The following ERC1 variants were observed in gnomAD, a reference collection of about 807,000 sequenced individuals.
The protein encoded by ERC1 is ELKS/RAB6-interacting/CAST family member 1, also known as RAB6 interacting protein 2.
Under a neutral mutation model 132.0 loss-of-function variants are expected in ERC1, and 56 were observed. That is an observed-to-expected ratio of 0.42 (90% CI 0.34 to 0.53). The LOEUF is 0.53. ERC1 is among the 20% of genes least tolerant of loss of function. The pLI is 0.03. For missense variants in ERC1, 1,202 were observed against 1,349.9 expected, an observed-to-expected ratio of 0.89 and a Z score of 1.72; for synonymous variants, 478 against 476.1, an observed-to-expected ratio of 1.00 and a Z score of -0.05.
chr12:1,108,892 G>T (rs373747800), intron 4 of ERC1, among the ~76,000 whole-genome samples: 9 of 152,096 alleles, frequency 5.9e-5, no homozygotes, highest in African/African-American at 2.2e-4. Flanking sequence ...TAGTTTTCTC[G>T]ATATAAAGCC....
At chr12:995,073 G>A (rs1485077690) in intron 1 of ERC1, among the ~76,000 whole-genome samples, 2 of 151,356 alleles carry the variant, frequency 1.3e-5, no homozygotes, top group Non-Finnish European at 2.9e-5. Context: ...TCCAGCCTGG[G>A]TGACAGAGCA....
chr12:1,269,673 G>A (rs1015636530), intron 14 of ERC1, among the ~76,000 whole-genome samples: 5 of 152,188 alleles, frequency 3.3e-5, no homozygotes, highest in African/African-American at 1.2e-4. Context: ...TAGGCTGGAT[G>A]TCTTCTAACT....
At chr12:1,432,888 A>G (rs1037417258) in intron 17 of ERC1, among the ~76,000 whole-genome samples, 2 of 152,170 alleles carry the variant, frequency 1.3e-5, no homozygotes, top group African/African-American at 4.8e-5. Context: ...GGGTTAAAAA[A>G]CAAAAACCAA....
At chr12:1,096,315 TC>T (rs1462157939) in intron 3 of ERC1, among the ~76,000 whole-genome samples, 1 of 152,202 alleles carries the variant, frequency 6.6e-6, no homozygotes, top group Non-Finnish European at 1.5e-5. Context: ...AAGTTGAAAA[TC>T]TAAATTGTGT....
intron 15 of ERC1, among the ~76,000 whole-genome samples, chr12:1,367,426 C>G (rs1205408838): frequency 6.6e-6 from 1 of 152,120 alleles, no homozygotes; most frequent in Non-Finnish European, 1.5e-5. Flanking sequence ...GAATAATAAA[C>G]CTTGGTAACA....
At chr12:1,440,319 C>T (rs1322894125) in intron 17 of ERC1, among the ~76,000 whole-genome samples, 4 of 148,144 alleles carry the variant, frequency 2.7e-5, no homozygotes, top group Non-Finnish European at 4.5e-5. Flanking sequence ...ATTCTCCTGC[C>T]TCAGCCTCCC....
intron 15 of ERC1, among the ~76,000 whole-genome samples, chr12:1,324,469 C>A (rs1272360942): frequency 6.6e-6 from 1 of 152,138 alleles, no homozygotes; most frequent in Non-Finnish European, 1.5e-5. Context: ...TTCATGGACA[C>A]CAAAGACAAA....
intron 17 of ERC1, among the ~76,000 whole-genome samples, chr12:1,420,525 G>A (rs2092382221): frequency 6.6e-6 from 1 of 152,106 alleles, no homozygotes; most frequent in South Asian, 2.1e-4. Flanking sequence ...GCACAATCTC[G>A]GCTCGCTACA....
At chr12:1,055,242 C>T (rs1015144765) in intron 2 of ERC1, among the ~76,000 whole-genome samples, 3 of 151,858 alleles carry the variant, frequency 2.0e-5, no homozygotes, top group Admixed American at 1.3e-4. Flanking sequence ...TGCAGTGGCG[C>T]GATCTCTGTT....
chr12:1,470,709 A>G lies in ERC1; in HGVS notation c.3214-19384A>G, dbSNP rs147065142. On this transcript the variant is annotated intron_variant, in intron 18 of 18. Coordinates refer to ENST00000360905, the MANE Select transcript of ERC1 (RefSeq NM_178040.4). ...AGATATTACCAAATCAGCTTAGACA[A>G]CCAGATTAAAAATCTGCCTCACTGG... Among the ~76,000 whole-genome samples, 364 of 152,328 alleles carry G rather than the reference A, an allele frequency of 2.4e-3. 1 individual carries two copies. Among genetic ancestry groups the G allele is most frequent in the African/African-American group, 8.1e-3 (338 of 41,576 alleles).
intron 17 of ERC1, chr12:1,444,178 T>G (rs1027488649): frequency 6.4e-6 from 1 of 155,924 alleles, no homozygotes; most frequent in African/African-American, 2.4e-5. Flanking sequence ...TAGCAGTTTT[T>G]TGTAATCTAC....
At chr12:1,050,095 T>C (rs1043316106) in intron 2 of ERC1, among the ~76,000 whole-genome samples, 4 of 152,078 alleles carry the variant, frequency 2.6e-5, no homozygotes, top group African/African-American at 9.7e-5. Context: ...AGCAAATGGA[T>C]GTGGGACAAG....
intron 15 of ERC1, among the ~76,000 whole-genome samples, chr12:1,333,079 C>CGTCCTGATCCTT (rs2082999098): frequency 1.4e-5 from 2 of 147,782 alleles, no homozygotes; most frequent in African/African-American, 2.6e-5. Context: ...TCCTGATCCT[C>CGTCCTGATCCTT]GTCCTGATCC....
Position 1,419,778 on chromosome 12 carries a change from T to G in ERC1, c.3024+11531T>G, listed in dbSNP as rs146256415. Among the ~76,000 whole-genome samples the G allele has an allele frequency of 5.3e-4, 81 of 151,860 alleles. 1 individual carries two copies. The highest frequency in any genetic ancestry group is 1.8e-3 in the African/African-American group (76 of 41,374). ...CTCCTAAACTGTGCACTTCAAATGG[T>G]TAAGATGGTGAATTTTATGTTATGT... On this transcript the variant is annotated intron_variant, in intron 17 of 18. Transcript: ENST00000360905.
chr12:1,293,758 A>AG lies in ERC1; in HGVS notation c.2780+3752dup, dbSNP rs907254076. 6.6e-5 allele frequency among the ~76,000 whole-genome samples: 10 copies of AG among 152,196 alleles called. No individual in the cohort carries two copies. The East Asian group carries it at 7.7e-4, about 12-fold the overall frequency. ...CCAAATTATATCCTAGTAACAATTT[A>AG]GGGGGGAAAATAAAAATGAAAATGC... On this transcript the variant is annotated intron_variant, in intron 15 of 18. Coordinates refer to ENST00000360905, the MANE Select transcript of ERC1 (RefSeq NM_178040.4).
chr12:1,295,966 C>A (rs2079887318), intron 15 of ERC1, among the ~76,000 whole-genome samples: 1 of 139,722 alleles, frequency 7.2e-6, no homozygotes, highest in African/African-American at 2.7e-5. Context: ...CAGAAAAGAG[C>A]ATGCAGTAGA....
chr12:1,415,826 G>A (rs2092092272), intron 17 of ERC1, among the ~76,000 whole-genome samples: 1 of 152,142 alleles, frequency 6.6e-6, no homozygotes, highest in African/African-American at 2.4e-5. Flanking sequence ...GGAAAGCTTA[G>A]AACAAAGCCA....
chr12:1,263,250 A>G (rs966224291), intron 14 of ERC1, 85 bp downstream of exon 14: 4 of 1,354,878 alleles, frequency 3.0e-6, no homozygotes, highest in African/African-American at 1.4e-5. Context: ...TAAACTATAC[A>G]TATTGTATGT....
chr12:1,010,395 C>T (rs922916552), intron 1 of ERC1, among the ~76,000 whole-genome samples: 5 of 149,640 alleles, frequency 3.3e-5, no homozygotes, highest in East Asian at 2.0e-4. Flanking sequence ...GCAGGAGAAT[C>T]GCTTGAACCC....
Sources: gnomAD v4.1 joint callset for allele counts (sites outside exome capture counted in the v4.1 genomes callset) on GRCh38, gnomAD v4.1.1 for gene constraint, MANE v1.5 for transcripts, NCBI Gene and HGNC (gene_info 2026-07-23, HGNC 2026-07-21) for gene names.